Variants in PRKG1 observed in about 807,000 individuals in gnomAD.
The protein encoded by PRKG1 is cGMP-dependent protein kinase 1.
In PRKG1, 35 loss-of-function variants were observed where a neutral mutation model predicts 88.1. The observed-to-expected ratio is 0.40, with a 90% CI of 0.30 to 0.53. PRKG1 has a LOEUF of 0.53. PRKG1 is among the 20% of genes least tolerant of loss of function. PRKG1 has a pLI of 0.59. For missense variants in PRKG1, 540 were observed against 839.8 expected, an observed-to-expected ratio of 0.64 and a Z score of 4.41; for synonymous variants, 303 against 292.5, an observed-to-expected ratio of 1.04 and a Z score of -0.37.
At position 51,883,052 on chromosome 10, in the gene PRKG1, G is replaced by T. The variant is rs1010434384; in HGVS notation, c.699-24455G>T. ...TAAAGAAGTCCATCTTCACCAATGT[G>T]GGCAGACATCATCCAACCTGTTGAG... On this transcript the variant is annotated intron_variant, in intron 4 of 17. Transcript: ENST00000373980. 7.9e-5 allele frequency among the ~76,000 whole-genome samples: 12 copies of T among 152,146 alleles called. 1 individual carries two copies. Among genetic ancestry groups the T allele is most frequent in the Non-Finnish European group, 1.5e-4 (10 of 68,024 alleles).
intron 1 of PRKG1, among the ~76,000 whole-genome samples, chr10:51,001,793 TAC>T (rs1842892803): frequency 6.6e-6 from 1 of 152,124 alleles, no homozygotes; most frequent in South Asian, 2.1e-4. Context: ...TTTCAACCAT[TAC>T]CACAAGATGG....
At chr10:51,334,995 G>GTTT (rs1841837473) in intron 2 of PRKG1, among the ~76,000 whole-genome samples, 1 of 123,118 alleles carries the variant, frequency 8.1e-6, no homozygotes, top group African/African-American at 3.0e-5. Flanking sequence ...TTCCTGTCAG[G>GTTT]TTTCTTTTTT....
At chr10:52,166,851 CTA>C (rs1324366026) in intron 9 of PRKG1, among the ~76,000 whole-genome samples, 383 of 38,238 alleles carry the variant, frequency 0.01, 8 homozygotes, top group African/African-American at 0.023. Context: ...ATATATATGT[CTA>C]TATATATATC....
intron 3 of PRKG1, among the ~76,000 whole-genome samples, chr10:51,551,414 A>T (rs1837129868): frequency 6.6e-6 from 1 of 151,926 alleles, no homozygotes; most frequent in African/African-American, 2.4e-5. Context: ...TAATACAACC[A>T]TTTGATATAT....
chr10:51,462,415 G>T (rs906786061), intron 2 of PRKG1, among the ~76,000 whole-genome samples: 2 of 152,126 alleles, frequency 1.3e-5, no homozygotes, highest in Admixed American at 6.5e-5. Flanking sequence ...AACAAAGCCG[G>T]GAGGTTCTGA....
intron 3 of PRKG1, among the ~76,000 whole-genome samples, chr10:51,502,603 G>A (rs1444903895): frequency 6.6e-6 from 1 of 152,052 alleles, no homozygotes; most frequent in African/African-American, 2.4e-5. Flanking sequence ...TGTAACCTTG[G>A]GTGAAACATA....
intron 9 of PRKG1, among the ~76,000 whole-genome samples, chr10:52,180,866 C>A (rs1470748246): frequency 1.3e-5 from 2 of 152,160 alleles, no homozygotes; most frequent in African/African-American, 4.8e-5. Context: ...CCTGCCCAGG[C>A]TGGGGGCATG....
At chr10:51,714,845 G>A (rs867850630) in intron 3 of PRKG1, among the ~76,000 whole-genome samples, 49 of 152,200 alleles carry the variant, frequency 3.2e-4, no homozygotes, top group Admixed American at 7.2e-4. Context: ...ATTTATTAGA[G>A]CTGTATGTCA....
At chr10:51,133,416 T>G (rs945722159) in intron 1 of PRKG1, among the ~76,000 whole-genome samples, 2 of 152,190 alleles carry the variant, frequency 1.3e-5, no homozygotes, top group African/African-American at 4.8e-5. Context: ...CCTAAACCAT[T>G]GTTCTATGTA....
intron 7 of PRKG1, among the ~76,000 whole-genome samples, chr10:52,108,031 G>A (rs569873013): frequency 2.0e-5 from 3 of 152,042 alleles, no homozygotes; most frequent in East Asian, 1.9e-4. Context: ...TTATACACAC[G>A]CATGCACATA....
intron 2 of PRKG1, among the ~76,000 whole-genome samples, chr10:51,183,049 A>G (rs1488722353): frequency 6.6e-6 from 1 of 152,192 alleles, no homozygotes; most frequent in Non-Finnish European, 1.5e-5. Context: ...ATCTGGTAAG[A>G]AAAAAAGACT....
chr10:51,127,225 C>G (rs980218144), intron 1 of PRKG1, among the ~76,000 whole-genome samples: 8 of 152,104 alleles, frequency 5.3e-5, no homozygotes, highest in Non-Finnish European at 1.2e-4. Flanking sequence ...CAACAAAGGT[C>G]TAGTATCTAG....
chr10:51,979,542 G>A (rs1843949949), intron 5 of PRKG1, among the ~76,000 whole-genome samples: 1 of 142,702 alleles, frequency 7.0e-6, no homozygotes, highest in East Asian at 2.2e-4. Context: ...AGTAGGAATG[G>A]TATCAACTCT....
chr10:51,004,045 T>C (rs1323987748), intron 1 of PRKG1, among the ~76,000 whole-genome samples: 2 of 152,334 alleles, frequency 1.3e-5, no homozygotes, highest in Non-Finnish European at 2.9e-5. Context: ...TATTTATTTA[T>C]AGGATTAATT....
At chr10:51,091,987 C>A (rs142649867) in intron 1 of PRKG1, among the ~76,000 whole-genome samples, 327 of 152,248 alleles carry the variant, frequency 2.1e-3, no homozygotes, top group Non-Finnish European at 3.1e-3. Flanking sequence ...TTTTCTACAG[C>A]TTTACAGTTC....
At chr10:51,484,930 A>G (rs1840485904) in intron 3 of PRKG1, among the ~76,000 whole-genome samples, 1 of 152,204 alleles carries the variant, frequency 6.6e-6, no homozygotes, top group South Asian at 2.1e-4. Flanking sequence ...AAAGATAGAG[A>G]TAATTAGCAC....
At chr10:51,724,294 G>A (rs929830186) in intron 3 of PRKG1, among the ~76,000 whole-genome samples, 2 of 152,126 alleles carry the variant, frequency 1.3e-5, no homozygotes, top group African/African-American at 4.8e-5. Flanking sequence ...TTGCTGATAT[G>A]GAAGTTTCTC....
At chr10:51,720,023 G>A (rs1291614159) in intron 3 of PRKG1, among the ~76,000 whole-genome samples, 2 of 152,120 alleles carry the variant, frequency 1.3e-5, no homozygotes, top group Non-Finnish European at 2.9e-5. Context: ...TCTGGAAGTA[G>A]CCAAGAAAAG....
At chr10:51,234,393 C>T (rs1838927522) in intron 2 of PRKG1, among the ~76,000 whole-genome samples, 1 of 152,152 alleles carries the variant, frequency 6.6e-6, no homozygotes, top group South Asian at 2.1e-4. Context: ...GTAAGGAGAG[C>T]TCAACCTGTT....
Sources: allele counts gnomAD v4.1 joint callset (sites outside exome capture counted in the v4.1 genomes callset), GRCh38; gene constraint gnomAD v4.1.1; transcripts MANE v1.5; gene names NCBI Gene and HGNC (gene_info 2026-07-23, HGNC 2026-07-21).